Variants in BLTP3A observed in about 807,000 individuals in gnomAD.
BLTP3A encodes the protein ICBP90 binding protein 1.
the BLTP3A span, among the ~76,000 whole-genome samples, chr6:34,860,025 G>A: frequency 6.6e-6 from 1 of 152,296 alleles, no homozygotes; most frequent in South Asian, 2.1e-4. Context: ...CCCCACAGCA[G>A]CCTGGTAAGG....
chr6:34,792,182 C>T, the BLTP3A span: 1 of 1,431,902 alleles, frequency 7.0e-7, no homozygotes. Flanking sequence ...AGGGGACCGC[C>T]TCTTCTCCAC....
At chr6:34,871,646 AC>A in the BLTP3A span, 1 of 1,614,012 alleles carries the variant, frequency 6.2e-7, no homozygotes, top group African/African-American at 1.3e-5. Flanking sequence ...TGGCCATGGA[AC>A]ATGTTGTGCT....
chr6:34,826,026 A>ATTCTTTTTTTTT, the BLTP3A span, among the ~76,000 whole-genome samples: 3 of 76,648 alleles, frequency 3.9e-5, no homozygotes, highest in Admixed American at 1.2e-4. Flanking sequence ...TACATTTTGC[A>ATTCTTTTTTTTT]TTTTTTTTTT....
chr6:34,836,028 C>T, the BLTP3A span: 4 of 1,207,444 alleles, frequency 3.3e-6, no homozygotes, highest in Non-Finnish European at 4.6e-6. Flanking sequence ...ACTAGGCCAA[C>T]AGTTGTGAGA....
chr6:34,820,829 T>TTTC, the BLTP3A span, among the ~76,000 whole-genome samples: 3 of 146,786 alleles, frequency 2.0e-5, no homozygotes, highest in East Asian at 5.9e-4. Context: ...TTTTTTTTTT[T>TTTC]TTTTTAGAGA....
At chr6:34,803,154 A>G in the BLTP3A span, among the ~76,000 whole-genome samples, 1 of 152,070 alleles carries the variant, frequency 6.6e-6, no homozygotes, top group African/African-American at 2.4e-5. Context: ...ACTGCACTCC[A>G]GCCTGAGCAA....
At chr6:34,834,984 C>A in the BLTP3A span, 1 of 1,264,058 alleles carries the variant, frequency 7.9e-7, no homozygotes, top group Non-Finnish European at 1.1e-6. Context: ...AGGGGGAAGG[C>A]CTGTAAATCA....
chr6:34,796,964 A>G, the BLTP3A span, among the ~76,000 whole-genome samples: 1 of 152,166 alleles, frequency 6.6e-6, no homozygotes, highest in African/African-American at 2.4e-5. Flanking sequence ...TGGCCTCCCA[A>G]AGTGCTGGGA....
the BLTP3A span, chr6:34,858,557 G>A: frequency 6.2e-7 from 1 of 1,614,154 alleles, no homozygotes; most frequent in East Asian, 2.2e-5. Flanking sequence ...CCCCTCCGCT[G>A]GCAGCAAGCC....
chr6:34,798,214 C>T, the BLTP3A span, among the ~76,000 whole-genome samples: 14 of 152,294 alleles, frequency 9.2e-5, no homozygotes, highest in Non-Finnish European at 1.9e-4. Context: ...CCATATTTTG[C>T]ATCAAGTTGT....
the BLTP3A span, among the ~76,000 whole-genome samples, chr6:34,868,681 G>A: frequency 2.0e-5 from 3 of 150,824 alleles, no homozygotes; most frequent in African/African-American, 7.3e-5. Context: ...CCGAGATCGC[G>A]CCCTTGTACT....
At chr6:34,870,615 G>C in the BLTP3A span, among the ~76,000 whole-genome samples, 2 of 152,118 alleles carry the variant, frequency 1.3e-5, no homozygotes, top group Non-Finnish European at 2.9e-5. Flanking sequence ...ACCTTGCAAG[G>C]CATTATAGCA....
chr6:34,824,376 TAA>T, the BLTP3A span, among the ~76,000 whole-genome samples: 3 of 151,494 alleles, frequency 2.0e-5, no homozygotes, highest in Non-Finnish European at 2.9e-5. Flanking sequence ...CTACTAAAAA[TAA>T]AAACTCCATT....
the BLTP3A span, among the ~76,000 whole-genome samples, chr6:34,811,267 G>A: frequency 6.6e-6 from 1 of 152,068 alleles, no homozygotes; most frequent in African/African-American, 2.4e-5. Context: ...AACAGAAATA[G>A]GCAGGCTGAT....
chr6:34,858,848 A>C, the BLTP3A span: 1 of 1,614,016 alleles, frequency 6.2e-7, no homozygotes, highest in African/African-American at 1.3e-5. Flanking sequence ...GTGAGGCTTG[A>C]CCACTACCAG....
At chr6:34,806,623 T>G in the BLTP3A span, among the ~76,000 whole-genome samples, 1 of 152,196 alleles carries the variant, frequency 6.6e-6, no homozygotes, top group Non-Finnish European at 1.5e-5. Flanking sequence ...TATGCTACAC[T>G]TCTCTAAATA....
the BLTP3A span, among the ~76,000 whole-genome samples, chr6:34,848,307 A>G: frequency 1.1e-4 from 16 of 151,740 alleles, no homozygotes; most frequent in African/African-American, 3.4e-4. Context: ...ATAATAATCA[A>G]TCAATCAATC....
chr6:34,805,570 G>A, the BLTP3A span, among the ~76,000 whole-genome samples: 2 of 147,996 alleles, frequency 1.4e-5, no homozygotes, highest in Non-Finnish European at 3.0e-5. Flanking sequence ...CCCAGGCTGG[G>A]CAGCAGAAGG....
chr6:34,808,710 A>G, the BLTP3A span, among the ~76,000 whole-genome samples: 1 of 151,986 alleles, frequency 6.6e-6, no homozygotes, highest in Non-Finnish European at 1.5e-5. Flanking sequence ...CAGCCTCCCC[A>G]GTAGCTGGGA....
Sources: allele counts gnomAD v4.1 joint callset (sites outside exome capture counted in the v4.1 genomes callset), GRCh38; gene constraint gnomAD v4.1.1; transcripts MANE v1.5; gene names NCBI Gene and HGNC (gene_info 2026-07-23, HGNC 2026-07-21).